The following TOM1L1 variants were observed in gnomAD, a reference collection of about 807,000 sequenced individuals.
The protein encoded by TOM1L1 is target of myb1 like 1 membrane trafficking protein.
Under a neutral mutation model 63.4 loss-of-function variants are expected in TOM1L1, and 64 were observed. That is an observed-to-expected ratio of 1.01 (90% CI 0.83 to 1.24). TOM1L1 has a LOEUF of 1.24. TOM1L1 is among the 50% of genes most tolerant of loss of function. The pLI, the probability that TOM1L1 is intolerant of heterozygous loss-of-function variation, is 0.00. For synonymous variants in TOM1L1, 166 were observed against 194.4 expected, an observed-to-expected ratio of 0.85 and a Z score of 1.22; for missense variants, 536 against 567.0, an observed-to-expected ratio of 0.95 and a Z score of 0.55.
intron 11 of TOM1L1, among the ~76,000 whole-genome samples, chr17:54,944,538 AT>A (rs933629871): frequency 6.6e-6 from 1 of 151,996 alleles, no homozygotes; most frequent in Non-Finnish European, 1.5e-5. Flanking sequence ...TTCTGGTATA[AT>A]TTCCCTTCTC....
intron 8 of TOM1L1, among the ~76,000 whole-genome samples, chr17:54,931,290 G>C (rs1217558542): frequency 6.6e-6 from 1 of 152,042 alleles, no homozygotes; most frequent in African/African-American, 2.4e-5. Context: ...GTATTAAATA[G>C]GATAATAATA....
intron 1 of TOM1L1, among the ~76,000 whole-genome samples, chr17:54,901,966 A>G (rs1235752682): frequency 6.6e-6 from 1 of 152,038 alleles, no homozygotes; most frequent in Non-Finnish European, 1.5e-5. Flanking sequence ...TCATAGGCAA[A>G]CGAAACTTCA....
chr17:54,933,257 G>C (rs909593501), intron 8 of TOM1L1, among the ~76,000 whole-genome samples: 1 of 152,116 alleles, frequency 6.6e-6, no homozygotes, highest in African/African-American at 2.4e-5. Flanking sequence ...GTCTAGTTCA[G>C]GCCTGATTAT....
rs1261018265 is a variant in TOM1L1 at position 54,915,809 on chromosome 17, T to C, written c.667T>C (p.Leu223=). The part of the protein sequence containing the change: ...KMNVRVMSAI[L]MENTPGSENH... ...GAATGTGCGAGTGATGTCCGCCATA[T>C]TGATGGAGAATACTCCTGGGTCTGA... Residue 223 remains leucine, a synonymous_variant, in exon 7 of 16, where the codon TTG becomes CTG. Coordinates refer to ENST00000575882, the MANE Select transcript of TOM1L1 (RefSeq NM_005486.3). 3 of 1,613,764 alleles carry C rather than the reference T, an allele frequency of 1.9e-6. No individual in the cohort carries two copies. Among genetic ancestry groups the C allele is most frequent in the South Asian group, 2.2e-5 (2 of 91,040 alleles).
At chr17:54,937,496 C>G (rs2048968869) in intron 10 of TOM1L1, 1 of 428,648 alleles carries the variant, frequency 2.3e-6, no homozygotes. Flanking sequence ...AGAAGTTGTT[C>G]AGCCCAATGG....
intron 3 of TOM1L1, chr17:54,906,629 A>G: frequency 2.5e-6 from 1 of 395,764 alleles, no homozygotes; most frequent in Non-Finnish European, 3.4e-6. Context: ...TTAAATTCCA[A>G]ACAAGTTCTG....
intron 14 of TOM1L1, chr17:54,957,484 T>C (rs1043225137): frequency 3.3e-5 from 5 of 152,154 alleles, no homozygotes; most frequent in Admixed American, 2.6e-4. Context: ...AATTAGGAGA[T>C]TGCTGTATGT....
chr17:54,908,255 G>A (rs1411615800), intron 3 of TOM1L1, among the ~76,000 whole-genome samples: 1 of 152,114 alleles, frequency 6.6e-6, no homozygotes, highest in Non-Finnish European at 1.5e-5. Context: ...CTTTTCCTTG[G>A]ATTTTCTTTA....
At chr17:54,901,560 G>A (rs1450300745) in intron 1 of TOM1L1, among the ~76,000 whole-genome samples, 1 of 152,068 alleles carries the variant, frequency 6.6e-6, no homozygotes, top group Non-Finnish European at 1.5e-5. Flanking sequence ...TCTCTCCTCC[G>A]GATGTACCTT....
chr17:54,947,031 G>T (rs1390230102), intron 11 of TOM1L1, among the ~76,000 whole-genome samples: 1 of 152,156 alleles, frequency 6.6e-6, no homozygotes, highest in Non-Finnish European at 1.5e-5. Context: ...AAAGGCTCTG[G>T]TCTTAGTGTT....
At chr17:54,911,523 C>T (rs1298918673) in intron 3 of TOM1L1, among the ~76,000 whole-genome samples, 1 of 152,168 alleles carries the variant, frequency 6.6e-6, no homozygotes, top group Non-Finnish European at 1.5e-5. Context: ...ACCAGCCATA[C>T]CACCCCCTCT....
intron 11 of TOM1L1, among the ~76,000 whole-genome samples, chr17:54,942,829 G>A (rs2049053603): frequency 6.6e-6 from 1 of 152,128 alleles, no homozygotes; most frequent in African/African-American, 2.4e-5. Context: ...TTCCTTTATA[G>A]TCACACCCTT....
chr17:54,924,942 C>T (rs895612262), intron 7 of TOM1L1, among the ~76,000 whole-genome samples: 21 of 152,132 alleles, frequency 1.4e-4, no homozygotes, highest in African/African-American at 2.4e-4. Context: ...TTATCACATA[C>T]GGTATATTCT....
At chr17:54,910,868 G>A (rs1027151135) in intron 3 of TOM1L1, among the ~76,000 whole-genome samples, 3 of 152,092 alleles carry the variant, frequency 2.0e-5, no homozygotes, top group African/African-American at 7.2e-5. Context: ...GCTATATGCT[G>A]CCGCTTTATG....
intron 9 of TOM1L1, 99 bp from the exon 10 acceptor site, chr17:54,937,010 G>T: frequency 1.0e-6 from 1 of 992,782 alleles, no homozygotes; most frequent in Non-Finnish European, 1.6e-6. Flanking sequence ...TCCTTAAAAT[G>T]CATCCAAATA....
At chr17:54,931,287 A>G (rs895836747) in intron 8 of TOM1L1, among the ~76,000 whole-genome samples, 1 of 152,216 alleles carries the variant, frequency 6.6e-6, no homozygotes, top group African/African-American at 2.4e-5. Context: ...GATGTATTAA[A>G]TAGGATAATA....
intron 11 of TOM1L1, among the ~76,000 whole-genome samples, chr17:54,945,415 T>C (rs1328274720): frequency 1.3e-5 from 2 of 152,212 alleles, no homozygotes; most frequent in African/African-American, 2.4e-5. Flanking sequence ...TGGCTTTATG[T>C]CTTTCACCAA....
chr17:54,911,187 A>G (rs961195472), intron 3 of TOM1L1, among the ~76,000 whole-genome samples: 1 of 152,182 alleles, frequency 6.6e-6, no homozygotes, highest in Admixed American at 6.5e-5. Flanking sequence ...TCTTAACTGT[A>G]TAACACCCCA....
chr17:54,918,326 C>G (rs2048625970), intron 7 of TOM1L1, among the ~76,000 whole-genome samples: 1 of 152,306 alleles, frequency 6.6e-6, no homozygotes, highest in African/African-American at 2.4e-5. Flanking sequence ...TCTCCTATAT[C>G]CATGCAAACC....
Sources: allele counts gnomAD v4.1 joint callset (sites outside exome capture counted in the v4.1 genomes callset), GRCh38; gene constraint gnomAD v4.1.1; transcripts MANE v1.5; gene names NCBI Gene and HGNC (gene_info 2026-07-23, HGNC 2026-07-21).